MREG: variants seen among roughly 807,000 people sequenced by gnomAD.
MREG encodes the protein melanoregulin, also known as dilute suppressor protein homolog.
A neutral mutation model predicts 28.5 loss-of-function variants in MREG; 31 were observed. The ratio of observed to expected loss-of-function variants is 1.09; its 90% CI spans 0.82 to 1.47. MREG has a LOEUF of 1.47. Ranked by LOEUF, MREG falls within the 40% of genes most tolerant of loss-of-function variation. The pLI is 0.00. For synonymous variants in MREG, 106 were observed against 95.2 expected (o/e 1.11, Z -0.66); for missense variants, 256 against 257.4 (o/e 0.99, Z 0.04).
chr2:216,033,863 A>G (rs1477818649), upstream of MREG: 1 of 152,208 alleles, frequency 6.6e-6, no homozygotes, highest in Non-Finnish European at 1.5e-5. Flanking sequence ...TACCATACAA[A>G]TCAGAAATAG....
chr2:216,021,958 C>T (rs1694527038), intron 1 of MREG, among the ~76,000 whole-genome samples: 1 of 152,164 alleles, frequency 6.6e-6, no homozygotes, highest in African/African-American at 2.4e-5. Flanking sequence ...CAGTACTTGG[C>T]CGGCTGTGGT....
At chr2:215,941,920 C>T (rs180780846), downstream of MREG, among the ~76,000 whole-genome samples, 7 of 152,230 alleles carry the variant, frequency 4.6e-5, no homozygotes, top group Admixed American at 1.3e-4. Context: ...CTTCCATGTC[C>T]ATTGCTGTCA....
At chr2:215,974,256 C>A (rs1196613962) in intron 2 of MREG, among the ~76,000 whole-genome samples, 1 of 152,130 alleles carries the variant, frequency 6.6e-6, no homozygotes, top group Non-Finnish European at 1.5e-5. Flanking sequence ...GGACCTGGCA[C>A]CCAAAGGAAA....
At chr2:216,012,014 TTATATA>T (rs557925880) in intron 1 of MREG, among the ~76,000 whole-genome samples, 2 of 152,190 alleles carry the variant, frequency 1.3e-5, no homozygotes, top group Non-Finnish European at 1.5e-5. Flanking sequence ...GTGTATGACT[TTATATA>T]TATAATATAC....
At chr2:216,032,056 C>T (rs1164589557) in intron 1 of MREG, among the ~76,000 whole-genome samples, 1 of 152,216 alleles carries the variant, frequency 6.6e-6, no homozygotes, top group African/African-American at 2.4e-5. Flanking sequence ...CTTTGATAGA[C>T]AGCTTTTCAT....
intron 2 of MREG, among the ~76,000 whole-genome samples, chr2:215,969,268 A>G (rs1693024278): frequency 6.6e-6 from 1 of 152,184 alleles, no homozygotes; most frequent in Admixed American, 6.5e-5. Context: ...GGTGGATTTC[A>G]TTTGAGGGAA....
chr2:215,945,040 G>C, intron 4 of MREG, 43 bp from the exon 5 acceptor site: 1 of 1,530,402 alleles, frequency 6.5e-7, no homozygotes, highest in Non-Finnish European at 8.9e-7. Flanking sequence ...TGGCAAGATA[G>C]GAACCAAGAC....
chr2:216,007,396 AG>A (rs1234192615), intron 1 of MREG, among the ~76,000 whole-genome samples: 2 of 144,568 alleles, frequency 1.4e-5, no homozygotes, highest in Non-Finnish European at 3.0e-5. Context: ...GTGATCACTT[AG>A]CAACATTTTA....
intron 1 of MREG, among the ~76,000 whole-genome samples, chr2:215,998,322 A>T (rs1215165844): frequency 6.9e-4 from 39 of 56,830 alleles, no homozygotes; most frequent in East Asian, 1.3e-3. Flanking sequence ...AAAAAAAAAA[A>T]TAATAATAAT....
upstream of MREG, among the ~76,000 whole-genome samples, chr2:216,016,022 G>A (rs1198973692): frequency 6.6e-6 from 1 of 152,174 alleles, no homozygotes; most frequent in South Asian, 2.1e-4. Flanking sequence ...AGGCTGAAGG[G>A]ACTTATCAAG....
chr2:216,030,948 TCTCTCTCTCA>T lies in MREG; in HGVS notation c.-68+1831_-68+1840del, dbSNP rs1348296385. Reference sequence around the variant, plus strand: ...CCCATTCTCTCTCTCTCTCTCTCTCTCTCTCTCTCACACACACACACACACACACACACAC... The same window carrying T: ...CCCATTCTCTCTCTCTCTCTCTCTCTCACACACACACACACACACACACAC... On this transcript the variant is annotated intron_variant, in intron 1 of 3. Transcript: ENST00000420348. 8.8e-3 allele frequency among the ~76,000 whole-genome samples: 852 copies of T among 97,340 alleles called. 9 individuals are homozygous for T. Among genetic ancestry groups the T allele is most frequent in the African/African-American group, 0.025 (609 of 24,236 alleles). The allele number at this position is 97,340 out of a possible 152,430, so 63.9% of individuals were successfully genotyped here.
intron 1 of MREG, among the ~76,000 whole-genome samples, chr2:216,026,793 C>G (rs1416047928): frequency 6.6e-6 from 1 of 152,168 alleles, no homozygotes; most frequent in Non-Finnish European, 1.5e-5. Context: ...AATTAATGCT[C>G]TACTGTAAGA....
intron 2 of MREG, among the ~76,000 whole-genome samples, chr2:215,977,701 A>G (rs1432590412): frequency 6.6e-6 from 1 of 152,238 alleles, no homozygotes; most frequent in African/African-American, 2.4e-5. Flanking sequence ...CAGTGTAATC[A>G]AACTAGAACT....
At chr2:215,954,010 G>A (rs1400574035) in intron 2 of MREG, among the ~76,000 whole-genome samples, 1 of 152,198 alleles carries the variant, frequency 6.6e-6, no homozygotes, top group Admixed American at 6.5e-5. Context: ...TCCCAGAAGT[G>A]TCTTAGGCAA....
At chr2:215,972,516 G>A (rs1304191893) in intron 2 of MREG, among the ~76,000 whole-genome samples, 1 of 151,228 alleles carries the variant, frequency 6.6e-6, no homozygotes, top group Non-Finnish European at 1.5e-5. Context: ...GGTGGTGCTT[G>A]CCTGTAATCC....
intron 2 of MREG, among the ~76,000 whole-genome samples, chr2:215,954,006 A>C (rs1692551564): frequency 1.3e-5 from 2 of 152,218 alleles, no homozygotes; most frequent in African/African-American, 4.8e-5. Flanking sequence ...TCTGTCCCAG[A>C]AGTGTCTTAG....
intron 1 of MREG, among the ~76,000 whole-genome samples, chr2:216,009,864 T>C (rs1694251720): frequency 6.6e-6 from 1 of 152,162 alleles, no homozygotes; most frequent in South Asian, 2.1e-4. Context: ...GGCAAGAGCA[T>C]GCTCTTATCA....
At chr2:215,993,827 G>T (rs1693785033) in intron 2 of MREG, among the ~76,000 whole-genome samples, 2 of 152,204 alleles carry the variant, frequency 1.3e-5, no homozygotes, top group South Asian at 4.1e-4. Flanking sequence ...CATCATCACT[G>T]GTCATTAGAG....
At position 215,947,030 on chromosome 2, in the gene MREG, T is replaced by C. The variant is rs140099465; in HGVS notation, c.339A>G (p.Glu113=). The stretch of plus-strand genomic sequence containing the variant: ...AATCTCTTTTAGACTTACCTAAATC[T>C]TCTAAGATGCACTTCCATCTGTTTC... ...EVRNRWKCIL[E]DLGFQKEADS... The change falls in exon 3 of 5, where the codon GAA becomes GAG. Residue 113 remains glutamate (E), a synonymous_variant. Transcript: ENST00000263268. The C allele has an allele frequency of 2.8e-4, 447 of 1,591,654 alleles. 1 individual carries two copies. In the African/African-American group the frequency reaches 4.6e-3, roughly 16 times the overall value.
Sources: allele counts gnomAD v4.1 joint callset (sites outside exome capture counted in the v4.1 genomes callset), GRCh38; gene constraint gnomAD v4.1.1; transcripts MANE v1.5; gene names NCBI Gene and HGNC (gene_info 2026-07-23, HGNC 2026-07-21).